Variants in CSMD1 observed in about 807,000 individuals in gnomAD.
The protein encoded by CSMD1 is CUB and Sushi multiple domains 1, also known as CUB and sushi domain-containing protein 1.
Under a neutral mutation model 417.5 loss-of-function variants are expected in CSMD1, and 213 were observed. That is an observed-to-expected ratio of 0.51 (90% CI 0.46 to 0.57). The LOEUF (loss-of-function observed/expected upper bound fraction) is 0.57. Among genes scored for constraint, CSMD1 ranks in the 20% least tolerant of loss-of-function variants. The pLI, the probability that CSMD1 is intolerant of heterozygous loss-of-function variation, is 0.00. For missense variants in CSMD1, 6,923 were observed against 4,529.7 expected, an observed-to-expected ratio of 1.53 and a Z score of -15.17; for synonymous variants, 2,862 against 1,736.8, an observed-to-expected ratio of 1.65 and a Z score of -16.11.
Position 3,187,965 on chromosome 8 carries a change from T to G in CSMD1, c.5524A>C (p.Ile1842Leu), listed in dbSNP as rs771654908. The G allele has an allele frequency of 6.2e-7, 1 of 1,612,004 alleles. No homozygotes were observed. The highest frequency in any genetic ancestry group is 1.1e-5 in the South Asian group (1 of 90,708). Residue 1842 changes from isoleucine to leucine, a missense_variant and splice_region_variant, in exon 36 of 70, where the codon ATC (isoleucine) becomes CTC (leucine). By Grantham distance (5) the Ile-to-Leu change is conservative (BLOSUM62 2). Coordinates refer to ENST00000635120, the MANE Select transcript of CSMD1 (RefSeq NM_033225.6). ...IIVTEGSGIQ[I>L]QVISFATEQN... is the part of the protein sequence containing the mutation. The stretch of plus-strand genomic sequence containing the variant: ...TCCGTGGCAAAACTGATCACTTGGA[T>G]CTACCAAACCATGACATTAAGTTAA...
At chr8:4,534,126 T>C (rs1450844887) in intron 2 of CSMD1, among the ~76,000 whole-genome samples, 3 of 152,198 alleles carry the variant, frequency 2.0e-5, no homozygotes, top group South Asian at 2.1e-4. Context: ...GCTATCTTAA[T>C]GGCATTTGTC....
intron 3 of CSMD1, among the ~76,000 whole-genome samples, chr8:4,239,869 G>C (rs1347252705): frequency 6.6e-6 from 1 of 152,152 alleles, no homozygotes; most frequent in Non-Finnish European, 1.5e-5. Flanking sequence ...GAAAAACAAA[G>C]TATCCTTATC....
chr8:3,686,691 G>A (rs1476410563), intron 7 of CSMD1, among the ~76,000 whole-genome samples: 1 of 152,104 alleles, frequency 6.6e-6, no homozygotes, highest in Non-Finnish European at 1.5e-5. Context: ...TTCTCTAGCC[G>A]ATCCCTTACC....
intron 23 of CSMD1, among the ~76,000 whole-genome samples, chr8:3,312,831 G>A (rs898741974): frequency 8.5e-5 from 13 of 152,114 alleles, no homozygotes; most frequent in African/African-American, 3.1e-4. Context: ...TGGTGTTTCA[G>A]ACACTTTGAC....
chr8:4,787,321 C>T, intron 1 of CSMD1: 1 of 721,656 alleles, frequency 1.4e-6, no homozygotes, highest in Non-Finnish European at 2.5e-6. Flanking sequence ...GCCCTCAGCC[C>T]ACTCAGGATA....
chr8:3,699,542 C>A (rs1043125203), intron 7 of CSMD1, among the ~76,000 whole-genome samples: 1 of 152,152 alleles, frequency 6.6e-6, no homozygotes. Flanking sequence ...TCCTCTATTT[C>A]TATGGATTTC....
chr8:4,157,013 G>T (rs529542486), intron 3 of CSMD1, among the ~76,000 whole-genome samples: 1 of 152,244 alleles, frequency 6.6e-6, no homozygotes, highest in East Asian at 1.9e-4. Context: ...AGGGGTGGTG[G>T]CCAGGCATTG....
chr8:4,894,217 CATTT>C (rs1804322388), intron 1 of CSMD1, among the ~76,000 whole-genome samples: 1 of 151,990 alleles, frequency 6.6e-6, no homozygotes, highest in Non-Finnish European at 1.5e-5. Context: ...AAACTTCATC[CATTT>C]ATTTCAGAAT....
At position 3,579,076 on chromosome 8, in the gene CSMD1, A is replaced by G. The variant is rs116177301; in HGVS notation, c.1223-4010T>C. ...GTACTTGGATAATAACTACGACCTA[A>G]TGTACACCTGATGTTACTTGCTTGG... is the stretch of plus-strand genomic sequence containing the variant. On this transcript the variant is annotated intron_variant, in intron 9 of 69. Transcript: ENST00000635120. 8.2e-3 allele frequency among the ~76,000 whole-genome samples: 1,255 copies of G among 152,326 alleles called. 22 individuals carry two copies. The highest frequency in any genetic ancestry group is 0.029 in the African/African-American group (1,201 of 41,574).
chr8:4,817,905 A>T (rs1332008176), intron 1 of CSMD1, among the ~76,000 whole-genome samples: 6 of 152,194 alleles, frequency 3.9e-5, no homozygotes, highest in Non-Finnish European at 7.3e-5. Flanking sequence ...AACAATCAGC[A>T]ACAAATATTA....
intron 2 of CSMD1, among the ~76,000 whole-genome samples, chr8:4,461,942 C>T (rs917841141): frequency 1.3e-5 from 2 of 152,002 alleles, no homozygotes; most frequent in East Asian, 3.9e-4. Context: ...GGGGTTTCAT[C>T]ATGTTAGCCA....
chr8:4,798,738 A>C (rs1218337354), intron 1 of CSMD1, among the ~76,000 whole-genome samples: 1 of 152,252 alleles, frequency 6.6e-6, no homozygotes, highest in African/African-American at 2.4e-5. Flanking sequence ...TACATTTATT[A>C]ATAGGTATGT....
chr8:4,150,669 T>A (rs1408888569), intron 3 of CSMD1, among the ~76,000 whole-genome samples: 2 of 152,132 alleles, frequency 1.3e-5, no homozygotes, highest in Non-Finnish European at 2.9e-5. Context: ...AGGGTGCAGA[T>A]AAGGAGTGTT....
At position 3,174,043 on chromosome 8, in the gene CSMD1, A is replaced by G. The variant is rs1585554138; in HGVS notation, c.5725+7067T>C. ...GATGAGGAAATGAAATGGAGCTCAT[A>G]CATCAGTGAAAACAAGAATTAAGGA... is the stretch of plus-strand genomic sequence containing the variant. On this transcript the variant is annotated intron_variant, in intron 37 of 69. Transcript: ENST00000635120. Among the ~76,000 whole-genome samples the G allele has an allele frequency of 4.6e-5, 7 of 152,352 alleles. No homozygotes were observed. In the South Asian group the frequency reaches 1.0e-3, roughly 23 times the overall value.
At chr8:4,432,311 G>A (rs1797917215) in intron 2 of CSMD1, among the ~76,000 whole-genome samples, 2 of 152,116 alleles carry the variant, frequency 1.3e-5, no homozygotes, top group African/African-American at 2.4e-5. Context: ...CAGAGACTAG[G>A]CAGCTTAAGT....
intron 5 of CSMD1, among the ~76,000 whole-genome samples, chr8:3,770,937 G>A (rs62479699): frequency 0.18 from 27,177 of 151,992 alleles, 2,977 homozygotes; most frequent in South Asian, 0.25. Flanking sequence ...GTGAATCTCC[G>A]AATTCAATAG....
At chr8:4,505,270 T>C (rs2130307634) in intron 2 of CSMD1, among the ~76,000 whole-genome samples, 1 of 152,238 alleles carries the variant, frequency 6.6e-6, no homozygotes, top group Middle Eastern at 3.4e-3. Context: ...TAATGATAAA[T>C]GTGTTCTTTA....
chr8:4,241,709 T>C (rs200880885), intron 3 of CSMD1, among the ~76,000 whole-genome samples: 652 of 10,058 alleles, frequency 0.065, 2 homozygotes, highest in Non-Finnish European at 0.11. Flanking sequence ...TTTTTTTTTC[T>C]TTTTTTTTTT....
intron 3 of CSMD1, among the ~76,000 whole-genome samples, chr8:4,100,284 G>A (rs767038013): frequency 2.6e-5 from 4 of 152,086 alleles, no homozygotes; most frequent in Non-Finnish European, 4.4e-5. Context: ...CATCCTTTTT[G>A]TATCTTATTA....
Sources: allele counts gnomAD v4.1 joint callset (sites outside exome capture counted in the v4.1 genomes callset), GRCh38; gene constraint gnomAD v4.1.1; transcripts MANE v1.5; gene names NCBI Gene and HGNC (gene_info 2026-07-23, HGNC 2026-07-21).